Variants in MCF2L observed in about 807,000 individuals in gnomAD.
The protein encoded by MCF2L is guanine nucleotide exchange factor DBS.
Under a neutral mutation model 153.4 loss-of-function variants are expected in MCF2L, and 97 were observed. That is an observed-to-expected ratio of 0.63 (90% CI 0.54 to 0.75). The LOEUF (loss-of-function observed/expected upper bound fraction) is 0.75. MCF2L is among the 30% of genes least tolerant of loss of function. The pLI is 0.00. For missense variants in MCF2L, 1,347 were observed against 1,495.2 expected, an observed-to-expected ratio of 0.90 and a Z score of 1.64; for synonymous variants, 659 against 632.2, an observed-to-expected ratio of 1.04 and a Z score of -0.64.
chr13:113,024,738 C>T lies in MCF2L; in HGVS notation c.258C>T (p.Thr86=), dbSNP rs2085116824. ...ACAAGGAGTTCCAGAATGTCATGAC[C>T]TACCTCACCAGCATCCCCAGGTACG... ...IPDKEFQNVM[T]YLTSIPSLQD... The change falls in exon 3 of 30, where the codon ACC becomes ACT. Residue 86 remains threonine, a synonymous_variant. Transcript: ENST00000535094. 6.2e-7 allele frequency: 1 copy of T among 1,613,962 alleles called. No individual in the cohort carries two copies. The highest frequency in any genetic ancestry group is 1.7e-5 in the Admixed American group (1 of 60,006).
rs1318604666 is a variant in MCF2L at position 113,076,122 on chromosome 13, A to T, written c.1465A>T (p.Lys489Ter). 1 of 1,613,928 alleles carries T rather than the reference A, an allele frequency of 6.2e-7. No individual in the cohort carries two copies. Among genetic ancestry groups the T allele is most frequent in the Non-Finnish European group, 8.5e-7 (1 of 1,179,972 alleles). Reference sequence around the variant, plus strand: ...GATCCAGGAGCTCAACGCGATTTACAAGGAATACGAATCCATCCTCAACCA... The same window carrying T: ...GATCCAGGAGCTCAACGCGATTTACTAGGAATACGAATCCATCCTCAACCA... ...NKIQELNAIY[K>*]EYESILNQDL... The change falls in exon 12 of 30, where the codon AAG (lysine) becomes TAG (stop). Residue 489 changes from lysine (K) to a stop codon, truncating the protein, a stop_gained. Coordinates refer to ENST00000535094, the MANE Select transcript of MCF2L (RefSeq NM_001112732.3). LOFTEE classifies it high-confidence loss of function.
intron 4 of MCF2L, chr13:113,052,610 TGGA>T (rs1286669898): frequency 6.1e-6 from 1 of 165,268 alleles, no homozygotes; most frequent in African/African-American, 2.4e-5. Flanking sequence ...GCCCCACGCA[TGGA>T]GGAGAAGAGC....
intron 1 of MCF2L, chr13:113,009,392 G>C (rs2083931015): frequency 6.6e-6 from 1 of 152,270 alleles, no homozygotes; most frequent in Non-Finnish European, 1.5e-5. Context: ...TAACCCACTA[G>C]CAAATGGCTC....
At chr13:112,917,291 A>G (rs2081303920) in intron 2 of MCF2L, 1 of 418,084 alleles carries the variant, frequency 2.4e-6, no homozygotes, top group African/African-American at 2.0e-5. Flanking sequence ...CATCCACCAT[A>G]GTTCACTGCA....
At position 113,027,642 on chromosome 13, in the gene MCF2L, C is replaced by T. The variant is rs1258999008; in HGVS notation, c.278+2884C>T. ...GGTCTCGGGCCGAGCGGCCGAGCTC[C>T]CTGAGGGGCTGATGGGACCGGCTTG... On this transcript the variant is annotated intron_variant, in intron 3 of 29. Transcript: ENST00000535094. This position sits in a 1 kb window ranked among gnomAD's most constrained non-coding sequence, Gnocchi z 4.8. 1.3e-5 allele frequency among the ~76,000 whole-genome samples: 2 copies of T among 152,192 alleles called. No homozygotes were observed. Among genetic ancestry groups the T allele is most frequent in the Admixed American group, 6.5e-5 (1 of 15,284 alleles).
intron 1 of MCF2L, chr13:112,979,289 C>G: frequency 8.9e-7 from 1 of 1,126,240 alleles, no homozygotes; most frequent in Non-Finnish European, 1.1e-6. Flanking sequence ...AAGCCCCCGC[C>G]CTGTTCGAGG....
At chr13:113,056,036 G>A (rs1048647616) in intron 4 of MCF2L, among the ~76,000 whole-genome samples, 5 of 152,196 alleles carry the variant, frequency 3.3e-5, no homozygotes, top group African/African-American at 4.8e-5. Flanking sequence ...ACTGAGGGCC[G>A]TGGTCCCTGC....
chr13:112,989,793 A>G (rs1287895280), intron 1 of MCF2L, among the ~76,000 whole-genome samples: 1 of 152,216 alleles, frequency 6.6e-6, no homozygotes, highest in Non-Finnish European at 1.5e-5. Context: ...TTTCTTTTCT[A>G]ATTTGCCAAT....
intron 3 of MCF2L, chr13:113,044,512 C>G (rs2086681447): frequency 1.1e-6 from 1 of 931,532 alleles, no homozygotes; most frequent in African/African-American, 1.6e-5. Context: ...GTTAGCGATT[C>G]TAGCCCCTGC....
At chr13:112,955,273 C>T (rs1363793884) in intron 2 of MCF2L, among the ~76,000 whole-genome samples, 1 of 137,136 alleles carries the variant, frequency 7.3e-6, no homozygotes, top group Non-Finnish European at 1.5e-5. Context: ...GAGTGGAGCC[C>T]AGCCCTCCGT....
intron 18 of MCF2L, 130 bp from the exon 19 acceptor site, chr13:113,084,762 C>A (rs117061421): frequency 0.055 from 40,415 of 737,170 alleles, 1,437 homozygotes; most frequent in Middle Eastern, 0.095. Flanking sequence ...GCAGCAATGC[C>A]TCGCAGGGCC....
chr13:112,943,663 G>A lies in MCF2L; in HGVS notation c.169+41292G>A, dbSNP rs963969550. On this transcript the variant is annotated intron_variant, in intron 2 of 29. Coordinates refer to the MCF2L transcript ENST00000375608. This position sits in a 1 kb window ranked among gnomAD's most constrained non-coding sequence, Gnocchi z 4.2. ...CCGGCCAGTCCCTTACCCGGGGACA[G>A]ACGGGGAAGGCGGGAGCGCTCGCAG... 2.0e-5 allele frequency among the ~76,000 whole-genome samples: 3 copies of A among 152,158 alleles called. No homozygotes were observed. The highest frequency in any genetic ancestry group is 4.4e-5 in the Non-Finnish European group (3 of 68,024).
At chr13:112,994,677 G>A (rs534941752) in intron 1 of MCF2L, among the ~76,000 whole-genome samples, 20 of 152,348 alleles carry the variant, frequency 1.3e-4, no homozygotes, top group East Asian at 1.2e-3. Context: ...CCTTCATCCC[G>A]GGCAGTAAAT....
intron 3 of MCF2L, chr13:113,026,905 C>T (rs1407032027): frequency 2.6e-6 from 2 of 765,774 alleles, no homozygotes; most frequent in Non-Finnish European, 2.4e-6. Context: ...CGGTGAGCTG[C>T]AGGCTGACTT....
At chr13:112,972,160 A>C (rs1258501149) in intron 1 of MCF2L, among the ~76,000 whole-genome samples, 2 of 152,238 alleles carry the variant, frequency 1.3e-5, no homozygotes, top group African/African-American at 4.8e-5. Context: ...TAGTTGACCT[A>C]ATACTAACTC....
rs1302672463 is a variant in MCF2L at position 112,983,848 on chromosome 13, G to A, written c.79+14390G>A. On this transcript the variant is annotated intron_variant, in intron 1 of 29. Coordinates refer to ENST00000535094, the MANE Select transcript of MCF2L (RefSeq NM_001112732.3). This position sits in a 1 kb window ranked among gnomAD's most constrained non-coding sequence, Gnocchi z 4.0. ...CTGTGGACAGACCTCTCCCCGTGCT[G>A]CAGCTGTTTTCCTTGGGTTGAGCAC... Among the ~76,000 whole-genome samples the A allele has an allele frequency of 6.6e-6, 1 of 152,234 alleles. No homozygotes were observed. Among genetic ancestry groups the A allele is most frequent in the Admixed American group, 6.5e-5 (1 of 15,288 alleles).
chr13:112,984,370 A>G (rs2082551213), intron 1 of MCF2L, among the ~76,000 whole-genome samples: 1 of 151,746 alleles, frequency 6.6e-6, no homozygotes, highest in Non-Finnish European at 1.5e-5. Context: ...GAGTAGCTGG[A>G]ATTACGGGTA....
rs114660652 is a variant in MCF2L, at chr13:113,037,051, G to A, written c.279-8220G>A. Among the ~76,000 whole-genome samples the A allele has an allele frequency of 8.4e-3, 1,282 of 152,302 alleles. 17 individuals are homozygous for A. Among genetic ancestry groups the A allele is most frequent in the African/African-American group, 0.029 (1,222 of 41,576 alleles). On this transcript the variant is annotated intron_variant, in intron 3 of 29. Transcript: ENST00000535094. ...TGAACTTAGTGCCGTGCGGTCCAGC[G>A]GCCCTCCTGTCCATCTCAGTGCAGA...
intron 5 of MCF2L, 58 bp downstream of exon 5, chr13:113,060,770 C>G: frequency 1.1e-5 from 17 of 1,593,904 alleles, no homozygotes; most frequent in Middle Eastern, 3.3e-4. Context: ...GCCGTCCTGG[C>G]CCATCTGTGA....
Sources: gnomAD v4.1 joint callset for allele counts (sites outside exome capture counted in the v4.1 genomes callset) on GRCh38, gnomAD v4.1.1 for gene constraint, Gnocchi (gnomAD v3.1) non-coding constraint, MANE v1.5 for transcripts, NCBI Gene and HGNC (gene_info 2026-07-23, HGNC 2026-07-21) for gene names.